The following SNW1 variants were observed in gnomAD, a reference collection of about 807,000 sequenced individuals.
The protein encoded by SNW1 is SNW domain containing 1, also known as SNW domain-containing protein 1.
A neutral mutation model predicts 75.6 loss-of-function variants in SNW1; 9 were observed. The ratio of observed to expected loss-of-function variants is 0.12; its 90% CI spans 0.07 to 0.21. The LOEUF (loss-of-function observed/expected upper bound fraction) is 0.21. Ranked by LOEUF, SNW1 falls within the 10% of genes least tolerant of loss-of-function variation. SNW1 has a pLI of 1.00. For synonymous variants in SNW1, 200 were observed against 219.1 expected, an observed-to-expected ratio of 0.91 and a Z score of 0.77; for missense variants, 409 against 670.9, an observed-to-expected ratio of 0.61 and a Z score of 4.31.
At chr14:77,719,819 C>T (rs2080524321) in intron 12 of SNW1, among the ~76,000 whole-genome samples, 1 of 149,798 alleles carries the variant, frequency 6.7e-6, no homozygotes. Context: ...AGAACAATGC[C>T]AAGAATATAA....
At chr14:77,729,793 A>T (rs1043336482) in intron 10 of SNW1, among the ~76,000 whole-genome samples, 1 of 152,208 alleles carries the variant, frequency 6.6e-6, no homozygotes, top group African/African-American at 2.4e-5. Flanking sequence ...TGTTTTATAC[A>T]ATTTTTATTT....
At chr14:77,739,916 T>C (rs1171796602) in intron 3 of SNW1, among the ~76,000 whole-genome samples, 1 of 151,776 alleles carries the variant, frequency 6.6e-6, no homozygotes, top group Non-Finnish European at 1.5e-5. Flanking sequence ...GGCTGGATCA[T>C]GTGGTCAGGA....
At chr14:77,746,478 A>G (rs2080761288) in intron 3 of SNW1, among the ~76,000 whole-genome samples, 1 of 152,246 alleles carries the variant, frequency 6.6e-6, no homozygotes, top group South Asian at 2.1e-4. Context: ...GAACTAGAAT[A>G]ATTGCTGAGC....
In SNW1 at chr14:77,749,763, T is replaced by C. The variant is rs548383917; in HGVS notation, c.330+1556A>G. Among the ~76,000 whole-genome samples the C allele has an allele frequency of 5.9e-5, 9 of 151,660 alleles. No homozygotes were observed. In the East Asian group the frequency reaches 7.7e-4, roughly 13 times the overall value. ...ATCTAAAAAAGAATAAACAAACAAA[T>C]GACAAGAAAAACAAGCACATTCAAA... On this transcript the variant is annotated intron_variant, in intron 3 of 13. Coordinates refer to ENST00000261531, the MANE Select transcript of SNW1 (RefSeq NM_012245.3).
At chr14:77,739,818 A>G (rs2080702606) in intron 3 of SNW1, among the ~76,000 whole-genome samples, 1 of 152,080 alleles carries the variant, frequency 6.6e-6, no homozygotes, top group South Asian at 2.1e-4. Context: ...AACAATTTAC[A>G]TGGCATATTT....
intron 8 of SNW1, among the ~76,000 whole-genome samples, chr14:77,733,267 GT>G (rs1486809297): frequency 6.6e-6 from 1 of 152,120 alleles, no homozygotes; most frequent in African/African-American, 2.4e-5. Context: ...ATAGATATTT[GT>G]GTTAATAATT....
intron 11 of SNW1, 34 bp downstream of exon 11, chr14:77,723,146 CA>C: frequency 6.4e-7 from 1 of 1,553,078 alleles, no homozygotes; most frequent in Non-Finnish European, 8.9e-7. Flanking sequence ...TGCGCCCGGC[CA>C]CCATGATTGG....
At chr14:77,754,910 G>T in intron 2 of SNW1, 57 bp downstream of exon 2, 1 of 1,399,558 alleles carries the variant, frequency 7.1e-7, no homozygotes, top group Non-Finnish European at 9.7e-7. Context: ...ATGTTATAGT[G>T]TGCTATAATA....
At chr14:77,722,647 A>C in intron 11 of SNW1, 2 of 372,382 alleles carry the variant, frequency 5.4e-6, no homozygotes, top group Non-Finnish European at 1.1e-5. Flanking sequence ...TTCTGACTTA[A>C]GTGATGGAAG....
chr14:77,760,867 GTC>G (rs914997301), intron 1 of SNW1: 3 of 815,330 alleles, frequency 3.7e-6, no homozygotes, highest in African/African-American at 3.4e-5. Context: ...ACTCTTCAGT[GTC>G]TGAGACCACT....
chr14:77,735,534 C>T (rs1485670441), intron 7 of SNW1, among the ~76,000 whole-genome samples: 2 of 152,220 alleles, frequency 1.3e-5, no homozygotes, highest in Non-Finnish European at 2.9e-5. Context: ...CTGCCCGCCT[C>T]GGCCTCCCAA....
intron 1 of SNW1, among the ~76,000 whole-genome samples, chr14:77,759,845 TG>T (rs1173624480): frequency 6.6e-6 from 1 of 151,846 alleles, no homozygotes; most frequent in Non-Finnish European, 1.5e-5. Flanking sequence ...ATGCCGGGCA[TG>T]GTGGCTCATG....
chr14:77,722,213 T>C (rs1340426631), intron 11 of SNW1, among the ~76,000 whole-genome samples: 3 of 152,216 alleles, frequency 2.0e-5, no homozygotes, highest in Non-Finnish European at 2.9e-5. Flanking sequence ...TCAGAACTTT[T>C]AGTCCTCAGC....
chr14:77,755,073 T>C lies in SNW1; in HGVS notation c.62A>G (p.Glu21Gly). 1 of 1,613,144 alleles carries C rather than the reference T, an allele frequency of 6.2e-7. No homozygotes were observed. ...TQLSQDQLEA[E>G]EKARSQRSRQ... ...TGATCTCTGGGATCTTGCCTTTTCT[T>C]CAGCCTCAAGCTGGTCCTGAGATAG... The change falls in exon 2 of 14, where the codon GAA becomes GGA. Residue 21 changes from glutamate to glycine, a missense_variant. Around this residue, in one of 9 missense-constraint regions of SNW1, gnomAD observed 73 missense variants for 68.3 expected, o/e 1.07. Coordinates refer to ENST00000261531, the MANE Select transcript of SNW1 (RefSeq NM_012245.3).
intron 6 of SNW1, 62 bp downstream of exon 6, chr14:77,736,909 A>G: frequency 8.3e-7 from 1 of 1,209,138 alleles, no homozygotes; most frequent in East Asian, 2.3e-5. Flanking sequence ...TTCACTCAGC[A>G]TATTGTTTTG....
chr14:77,729,291 C>A (rs1357184252), intron 10 of SNW1, among the ~76,000 whole-genome samples: 1 of 152,180 alleles, frequency 6.6e-6, no homozygotes, highest in East Asian at 1.9e-4. Context: ...GCAATTTAAT[C>A]CTTCCCAACT....
intron 2 of SNW1, 86 bp from the exon 3 acceptor site, chr14:77,751,566 G>T: frequency 1.9e-6 from 2 of 1,060,578 alleles, no homozygotes; most frequent in Non-Finnish European, 2.7e-6. Context: ...TAATTGTTGA[G>T]TCCTTAGTAT....
At chr14:77,742,118 G>A (rs1004613537) in intron 3 of SNW1, among the ~76,000 whole-genome samples, 6 of 151,498 alleles carry the variant, frequency 4.0e-5, no homozygotes, top group Middle Eastern at 3.4e-3. Context: ...AGCAACCTCC[G>A]CCTCCCGGGT....
chr14:77,735,449 C>A (rs1159889994), intron 7 of SNW1, among the ~76,000 whole-genome samples: 4 of 151,334 alleles, frequency 2.6e-5, no homozygotes, highest in Non-Finnish European at 4.4e-5. Flanking sequence ...CCATGCCCAG[C>A]TAATTTTTTT....
Sources: allele counts gnomAD v4.1 joint callset (sites outside exome capture counted in the v4.1 genomes callset), GRCh38; gene constraint gnomAD v4.1.1; regional missense constraint gnomAD v4.1.1; transcripts MANE v1.5; gene names NCBI Gene and HGNC (gene_info 2026-07-23, HGNC 2026-07-21).